The following TCTA variants were observed in gnomAD, a reference collection of about 807,000 sequenced individuals.
TCTA encodes the protein T-cell leukemia translocation-altered gene protein.
Under a neutral mutation model 13.5 loss-of-function variants are expected in TCTA, and 13 were observed. That is an observed-to-expected ratio of 0.96 (90% CI 0.63 to 1.53). The LOEUF is 1.53. Ranked by LOEUF, TCTA falls within the 40% of genes most tolerant of loss-of-function variation. The pLI, the probability that TCTA is intolerant of heterozygous loss-of-function variation, is 0.00. For missense variants in TCTA, 138 were observed against 131.3 expected, an observed-to-expected ratio of 1.05 and a Z score of -0.25; for synonymous variants, 58 against 59.0, an observed-to-expected ratio of 0.98 and a Z score of 0.08.
In TCTA at chr3:49,414,805, C is replaced by G. The variant is rs1366924630; in HGVS notation, c.270-15C>G. 1 of 1,613,868 alleles carries G rather than the reference C, an allele frequency of 6.2e-7. No homozygotes were observed. Among genetic ancestry groups the G allele is most frequent in the Non-Finnish European group, 8.5e-7 (1 of 1,179,802 alleles). ...GGAATAACCACTCTCTCTTCTCTCT[C>G]TCCATCACTTTCAGGGAAATGGCAG... is the stretch of plus-strand genomic sequence containing the variant. On this transcript the variant is annotated splice_polypyrimidine_tract_variant and intron_variant, in intron 2 of 2. Coordinates refer to ENST00000273590, the MANE Select transcript of TCTA (RefSeq NM_022171.3).
chr3:49,413,207 C>G (rs2048971901), intron 2 of TCTA, 97 bp downstream of exon 2: 2 of 1,379,360 alleles, frequency 1.4e-6, no homozygotes, highest in Non-Finnish European at 2.1e-6. Flanking sequence ...TTTAAGCCCA[C>G]CAGCTTAATG....
rs1559526231 is a variant in TCTA, at chr3:49,414,913, A to G, written c.*51A>G. 6.2e-7 allele frequency: 1 copy of G among 1,611,630 alleles called. No individual in the cohort carries two copies. ...GGCATCACTGGGTCTGCTGGCTTCT[A>G]CACTGGGTTCTGCTACTCCCCAGAC... On this transcript the variant is annotated 3_prime_UTR_variant, in exon 3 of 3. Coordinates refer to ENST00000273590, the MANE Select transcript of TCTA (RefSeq NM_022171.3).
chr3:49,413,225 C>A, intron 2 of TCTA, 115 bp downstream of exon 2: 6 of 1,181,136 alleles, frequency 5.1e-6, no homozygotes, highest in Non-Finnish European at 7.5e-6. Flanking sequence ...ATGGCCTTTG[C>A]AGCAAGCTTC....
At chr3:49,414,240 C>CA (rs961396087) in intron 2 of TCTA, among the ~76,000 whole-genome samples, 8 of 150,454 alleles carry the variant, frequency 5.3e-5, no homozygotes, top group Non-Finnish European at 8.9e-5. Flanking sequence ...GACTCTGTCT[C>CA]AAAAAAAATA....
intron 1 of TCTA, 178 bp downstream of exon 1, chr3:49,412,818 A>G: frequency 3.7e-6 from 3 of 816,028 alleles, no homozygotes; most frequent in Non-Finnish European, 5.7e-6. Context: ...TGGATGGGAG[A>G]ACTTAACGTT....
chr3:49,414,377 T>C (rs1246922057), intron 2 of TCTA, among the ~76,000 whole-genome samples: 1 of 148,554 alleles, frequency 6.7e-6, no homozygotes, highest in Non-Finnish European at 1.5e-5. Flanking sequence ...TCACTAAAAA[T>C]ACAAAAACTA....
Position 49,414,353 on chromosome 3 carries a change from G to A in TCTA, c.270-467G>A, listed in dbSNP as rs187086686. ...GTTTGAGACCAGCCTGGCCAACATGGCGAAACCCCGTCTTCACTAAAAATA... is the reference window on the plus strand; with the variant it reads ...GTTTGAGACCAGCCTGGCCAACATGACGAAACCCCGTCTTCACTAAAAATA... On this transcript the variant is annotated intron_variant, in intron 2 of 2. Transcript: ENST00000273590. Among the ~76,000 whole-genome samples, 18 of 152,034 alleles carry A rather than the reference G, an allele frequency of 1.2e-4. No homozygotes were observed. In the East Asian group the frequency reaches 2.5e-3, roughly 21 times the overall value.
chr3:49,416,365 T>C lies in TCTA; in HGVS notation c.*1503T>C. The C allele has an allele frequency of 4.8e-6, 1 of 207,758 alleles. No individual in the cohort carries two copies. The highest frequency in any genetic ancestry group is 1.1e-4 in the East Asian group (1 of 8,854). The allele number at this position is 207,758 out of a possible 1,614,324, so 12.9% of individuals were successfully genotyped here. ...CCTGGAATTGCAGCTGTACTGAGGA[T>C]GATGTTATTCACAGCCCCTGGCCCA... On this transcript the variant is annotated 3_prime_UTR_variant, in exon 3 of 3. Transcript: ENST00000273590.
Position 49,414,976 on chromosome 3 carries a change from G to A in TCTA, c.*114G>A. 1.5e-6 allele frequency: 2 copies of A among 1,355,338 alleles called. No homozygotes were observed. The highest frequency in any genetic ancestry group is 2.1e-6 in the Non-Finnish European group (2 of 965,224). The allele number at this position is 1,355,338 out of a possible 1,614,324, so 84.0% of individuals were successfully genotyped here. On this transcript the variant is annotated 3_prime_UTR_variant, in exon 3 of 3. Transcript: ENST00000273590. ...TGCCGGGGGTTCAGGGTTGGTAGCAGGGAGTACCCAGTGCCTACAGGGCTG... is the reference window on the plus strand; with the variant it reads ...TGCCGGGGGTTCAGGGTTGGTAGCAAGGAGTACCCAGTGCCTACAGGGCTG...
At position 49,412,689 on chromosome 3, in the gene TCTA, C is replaced by A. The variant is rs201580769; in HGVS notation, c.214+49C>A. 764 of 1,591,498 alleles carry A rather than the reference C, an allele frequency of 4.8e-4. 4 individuals carry two copies. In the African/African-American group the frequency reaches 9.0e-3, roughly 19 times the overall value. On this transcript the variant is annotated intron_variant, in intron 1 of 2. Transcript: ENST00000273590. ...TGGGCTGGCCGCCCCCGCCCCCACC[C>A]TCTCCCGACTGTACCATTGGGTTCC... is the stretch of plus-strand genomic sequence containing the variant.
chr3:49,413,829 G>C (rs753859004), intron 2 of TCTA, among the ~76,000 whole-genome samples: 2 of 152,364 alleles, frequency 1.3e-5, no homozygotes, highest in East Asian at 1.9e-4. Flanking sequence ...GACTAACTCA[G>C]CAAGGCTGTG....
In TCTA at chr3:49,415,035, C is replaced by G; in HGVS notation, c.*173C>G. On this transcript the variant is annotated 3_prime_UTR_variant, in exon 3 of 3. Coordinates refer to ENST00000273590, the MANE Select transcript of TCTA (RefSeq NM_022171.3). ...CTGCCTCTTAAGCCTGCTCCCTCAC[C>G]CAGGCACTGGGCAAGTGAAGAGTTT... 1 of 682,496 alleles carries G rather than the reference C, an allele frequency of 1.5e-6. No homozygotes were observed. Among genetic ancestry groups the G allele is most frequent in the Non-Finnish European group, 2.5e-6 (1 of 406,280 alleles). The allele number at this position is 682,496 out of a possible 1,614,324, so 42.3% of individuals were successfully genotyped here.
chr3:49,413,340 A>G (rs1180043216), intron 2 of TCTA: 4 of 564,780 alleles, frequency 7.1e-6, no homozygotes, highest in Non-Finnish European at 1.3e-5. Flanking sequence ...TGGTATTGTC[A>G]TAATTTCAGA....
Position 49,414,841 on chromosome 3 carries a change from T to A in TCTA, c.291T>A (p.Pro97=). The A allele has an allele frequency of 6.2e-7, 1 of 1,613,760 alleles. No individual in the cohort carries two copies. The highest frequency in any genetic ancestry group is 8.5e-7 in the Non-Finnish European group (1 of 1,179,814). The change falls in exon 3 of 3, where the codon CCT becomes CCA. Residue 97 remains proline, a synonymous_variant. Coordinates refer to ENST00000273590, the MANE Select transcript of TCTA (RefSeq NM_022171.3). ...FPSWEMAANE[P]LKTHRE ...TCAGGGAAATGGCAGCAAACGAACC[T>A]CTCAAAACCCACAGAGAATAAGGGA...
In TCTA at chr3:49,412,548, T is replaced by C. The variant is rs2048962354; in HGVS notation, c.122T>C (p.Leu41Pro). ...GACATGCGCGTGACCCTCTTCAAGC[T>C]GCTGCTGCTGTGGTTGGTGTTAAGT... ...AQDMRVTLFK[L>P]LLLWLVLSLL... The change falls in exon 1 of 3, where the codon CTG becomes CCG. Residue 41 changes from leucine (L) to proline (P), a missense_variant. Physicochemically the swap from Leu to Pro is moderately conservative, Grantham distance 98. Coordinates refer to ENST00000273590, the MANE Select transcript of TCTA (RefSeq NM_022171.3). 6.2e-7 allele frequency: 1 copy of C among 1,614,240 alleles called. No individual in the cohort carries two copies. The highest frequency in any genetic ancestry group is 1.3e-5 in the African/African-American group (1 of 75,074).
rs982459987 is a variant in TCTA, at chr3:49,414,769, G to T, written c.270-51G>T. The T allele has an allele frequency of 5.0e-6, 8 of 1,611,544 alleles. No homozygotes were observed. In the Admixed American group the frequency reaches 1.3e-4, roughly 27 times the overall value. ...CTTGGGAGAGCCAATTTCAGCAACT[G>T]TTCTGCCCATGGAATAACCACTCTC... On this transcript the variant is annotated intron_variant, in intron 2 of 2. Coordinates refer to ENST00000273590, the MANE Select transcript of TCTA (RefSeq NM_022171.3).
At position 49,415,041 on chromosome 3, in the gene TCTA, A is replaced by C. The variant is rs1270948538; in HGVS notation, c.*179A>C. 1.5e-6 allele frequency: 1 copy of C among 657,766 alleles called. No individual in the cohort carries two copies. Among genetic ancestry groups the C allele is most frequent in the Non-Finnish European group, 2.6e-6 (1 of 386,238 alleles). 40.7% of individuals were successfully genotyped at this position (657,766 alleles called of 1,614,324 possible). A position where few individuals can be genotyped will look rare whatever the true frequency, so the allele number is the denominator to read the frequency against. ...CTTAAGCCTGCTCCCTCACCCAGGC[A>C]CTGGGCAAGTGAAGAGTTTGCCTGT... is the stretch of plus-strand genomic sequence containing the variant. On this transcript the variant is annotated 3_prime_UTR_variant, in exon 3 of 3. Transcript: ENST00000273590.
chr3:49,413,235 C>A (rs1468072572), intron 2 of TCTA, 125 bp downstream of exon 2: 4 of 1,037,140 alleles, frequency 3.9e-6, no homozygotes, highest in Admixed American at 4.0e-5. Flanking sequence ...CAGCAAGCTT[C>A]AAGTCTGCAC....
intron 2 of TCTA, 106 bp from the exon 3 acceptor site, chr3:49,414,714 A>T (rs1189378563): frequency 2.9e-6 from 4 of 1,381,600 alleles, no homozygotes; most frequent in African/African-American, 1.4e-5. Context: ...ATGTGACCTT[A>T]CTGAGCCTAG....
Sources: gnomAD v4.1 joint callset for allele counts (sites outside exome capture counted in the v4.1 genomes callset) on GRCh38, gnomAD v4.1.1 for gene constraint, MANE v1.5 for transcripts, NCBI Gene and HGNC (gene_info 2026-07-23, HGNC 2026-07-21) for gene names.